Variants in SLC9C1 observed in about 807,000 individuals in gnomAD.
SLC9C1 encodes the protein solute carrier family 9 member C1, also known as sodium/hydrogen exchanger 10.
In SLC9C1, 97 loss-of-function variants were observed where a neutral mutation model predicts 140.9. That is an observed-to-expected ratio of 0.69 (90% CI 0.58 to 0.82). SLC9C1 has a LOEUF of 0.82. SLC9C1 is among the 40% of genes least tolerant of loss of function. The pLI is 0.00. For synonymous variants in SLC9C1, 440 were observed against 442.6 expected (o/e 0.99, Z 0.07); for missense variants, 1,340 against 1,389.3 (o/e 0.96, Z 0.56).
intron 27 of SLC9C1, among the ~76,000 whole-genome samples, chr3:112,152,257 T>C (rs921345836): frequency 2.6e-5 from 4 of 151,982 alleles, no homozygotes; most frequent in African/African-American, 9.7e-5. Context: ...GGGTAAAGGA[T>C]CAGCAGGAAA....
At chr3:112,180,469 G>A (rs2077418027) in intron 22 of SLC9C1, 95 bp downstream of exon 22, 1 of 935,800 alleles carries the variant, frequency 1.1e-6, no homozygotes, top group Admixed American at 2.8e-5. Context: ...GCTACAGTGA[G>A]CCAAGATCAT....
chr3:112,168,004 T>TTTCTCACCTTGGGATCCC (rs1159035417), intron 25 of SLC9C1, among the ~76,000 whole-genome samples: 1 of 152,194 alleles, frequency 6.6e-6, no homozygotes, highest in Non-Finnish European at 1.5e-5. Flanking sequence ...CTTGTGATCC[T>TTTCTCACCTTGGGATCCC]TTCTCACCTT....
Position 112,266,278 on chromosome 3 carries a change from T to C in SLC9C1, c.838A>G (p.Thr280Ala). Residue 280 changes from threonine (T) to alanine (A), a missense_variant, in exon 8 of 29, where the codon ACA becomes GCA. Thr to Ala is a moderately conservative substitution (Grantham distance 58, BLOSUM62 0). Coordinates refer to ENST00000305815, the MANE Select transcript of SLC9C1 (RefSeq NM_183061.3). ...TCTTCAATTGCTGCTTTAAAACTTG[T>C]AGAATTTAAAAGAAGTCCCACAATG... Reference protein sequence around the residue: ...LAIVGLLLNSTSFKAAIEETL... With the variant: ...LAIVGLLLNSASFKAAIEETL... 6.2e-7 allele frequency: 1 copy of C among 1,611,238 alleles called. No individual in the cohort carries two copies. The highest frequency in any genetic ancestry group is 8.5e-7 in the Non-Finnish European group (1 of 1,178,906).
chr3:112,209,447 G>C (rs868164940), intron 15 of SLC9C1, among the ~76,000 whole-genome samples: 2 of 152,042 alleles, frequency 1.3e-5, no homozygotes, highest in Admixed American at 1.3e-4. Flanking sequence ...TTAAATTTAT[G>C]GTTAAATTTG....
chr3:112,202,371 A>G lies in SLC9C1; in HGVS notation c.2201T>C (p.Ile734Thr), dbSNP rs2077927517. Residue 734 changes from isoleucine to threonine, a missense_variant, in exon 18 of 29, where the codon ATA becomes ACA. Transcript: ENST00000305815. ...CTTCTGATGACTCATTCTTTTATCT[A>G]TTATTTGCAGCAACTTTGGTGCTAT... ...KLIAPKLLQI[I>T]DKRMSHQKTF... 1.2e-6 allele frequency: 2 copies of G among 1,604,912 alleles called. No individual in the cohort carries two copies. Among genetic ancestry groups the G allele is most frequent in the Non-Finnish European group, 1.7e-6 (2 of 1,175,094 alleles).
Position 112,160,538 on chromosome 3 carries a change from C to T in SLC9C1, c.3365-5489G>A, listed in dbSNP as rs9851173. 1.0e-4 allele frequency among the ~76,000 whole-genome samples: 15 copies of T among 150,548 alleles called. No homozygotes were observed. In the East Asian group the frequency reaches 1.2e-3, roughly 12 times the overall value. On this transcript the variant is annotated intron_variant, in intron 26 of 28. Transcript: ENST00000305815. ...TGCGGTGTTTGGTTTTTTGTTCTTG[C>T]GATAGTTTACTGAGAATGATGATTT...
At chr3:112,204,479 C>G in intron 16 of SLC9C1, 76 bp from the exon 17 acceptor site, 5 of 1,455,390 alleles carry the variant, frequency 3.4e-6, no homozygotes, top group Non-Finnish European at 4.6e-6. Context: ...ATAATTTAAA[C>G]ATCATGTTAG....
intron 20 of SLC9C1, among the ~76,000 whole-genome samples, chr3:112,188,879 A>G (rs1403846602): frequency 6.6e-6 from 1 of 152,158 alleles, no homozygotes; most frequent in African/African-American, 2.4e-5. Flanking sequence ...ATTTCTCCAC[A>G]TCCTCTCCAG....
chr3:112,149,392 G>A (rs554036405), intron 28 of SLC9C1, among the ~76,000 whole-genome samples: 1 of 152,198 alleles, frequency 6.6e-6, no homozygotes, highest in East Asian at 1.9e-4. Context: ...GAAAGGATGG[G>A]GTGGGTCAGG....
chr3:112,283,920 G>A (rs540941017), intron 2 of SLC9C1, among the ~76,000 whole-genome samples: 8 of 151,348 alleles, frequency 5.3e-5, no homozygotes, highest in Non-Finnish European at 7.4e-5. Context: ...TTGGTGATTC[G>A]TTACTGATCA....
At chr3:112,241,482 T>C (rs1907762) in intron 11 of SLC9C1, among the ~76,000 whole-genome samples, 44,583 of 152,108 alleles carry the variant, frequency 0.29, 6,722 homozygotes, top group East Asian at 0.35. Flanking sequence ...TCCATGCTCA[T>C]GGATTGAAAG....
intron 1 of SLC9C1, among the ~76,000 whole-genome samples, chr3:112,291,286 A>G (rs890240929): frequency 1.3e-5 from 2 of 152,216 alleles, no homozygotes; most frequent in African/African-American, 2.4e-5. Flanking sequence ...TAATTAAACT[A>G]AAGAGCTACT....
In SLC9C1 at chr3:112,266,324, C is replaced by T; in HGVS notation, c.792G>A (p.Met264Ile). The change falls in exon 8 of 29, where the codon ATG becomes ATA. Residue 264 changes from methionine (M) to isoleucine (I), a missense_variant. By Grantham distance (10) the Met-to-Ile change is conservative. Transcript: ENST00000305815. ...CAATGGCCAGAGTAAATATTCCTGA[C>T]ATTCCAACTAACTCACCTATTTTTA... The part of the protein sequence containing the change: ...LIFYICELVG[M>I]SGIFTLAIVG... The T allele has an allele frequency of 6.2e-7, 1 of 1,606,450 alleles. No homozygotes were observed. The highest frequency in any genetic ancestry group is 1.1e-5 in the South Asian group (1 of 88,302).
chr3:112,250,414 T>C (rs903983895), intron 10 of SLC9C1, among the ~76,000 whole-genome samples: 13 of 142,820 alleles, frequency 9.1e-5, no homozygotes, highest in Non-Finnish European at 6.1e-5. Context: ...TTATAATCCT[T>C]TGGGTATATA....
intron 12 of SLC9C1, among the ~76,000 whole-genome samples, chr3:112,232,697 G>A (rs1024192658): frequency 6.6e-6 from 1 of 152,066 alleles, no homozygotes; most frequent in East Asian, 1.9e-4. Context: ...TGGACATGAT[G>A]TAGGACACGG....
At chr3:112,158,503 G>C (rs2075191766) in intron 26 of SLC9C1, among the ~76,000 whole-genome samples, 1 of 151,890 alleles carries the variant, frequency 6.6e-6, no homozygotes, top group African/African-American at 2.4e-5. Context: ...GTCCTTGTCT[G>C]CTTTTGGTAT....
At chr3:112,167,611 T>G (rs1243527903) in intron 25 of SLC9C1, among the ~76,000 whole-genome samples, 1 of 152,068 alleles carries the variant, frequency 6.6e-6, no homozygotes, top group African/African-American at 2.4e-5. Context: ...CAATGGCCCT[T>G]TAAAAATCAT....
chr3:112,251,529 T>C (rs1187857292), intron 10 of SLC9C1, among the ~76,000 whole-genome samples: 1 of 152,120 alleles, frequency 6.6e-6, no homozygotes, highest in East Asian at 1.9e-4. Context: ...ATTAGACTCC[T>C]GAACGTACTC....
chr3:112,262,998 T>A lies in SLC9C1; in HGVS notation c.1123A>T (p.Met375Leu). 1 of 1,607,506 alleles carries A rather than the reference T, an allele frequency of 6.2e-7. No homozygotes were observed. Among genetic ancestry groups the A allele is most frequent in the Non-Finnish European group, 8.5e-7 (1 of 1,177,296 alleles). The change falls in exon 10 of 29, where the codon ATG (methionine) becomes TTG (leucine). Residue 375 changes from methionine to leucine, a missense_variant. Coordinates refer to ENST00000305815, the MANE Select transcript of SLC9C1 (RefSeq NM_183061.3). ...AGAAGGGCCATGTTTATATTAGGCA[T>A]CCCCTTCATTTCACTACAGACCATT... is the stretch of plus-strand genomic sequence containing the variant. ...FIMVCSEMKG[M>L]PNINMALLLA... is the part of the protein sequence containing the mutation.
Sources: gnomAD v4.1 joint callset for allele counts (sites outside exome capture counted in the v4.1 genomes callset) on GRCh38, gnomAD v4.1.1 for gene constraint, MANE v1.5 for transcripts, NCBI Gene and HGNC (gene_info 2026-07-23, HGNC 2026-07-21) for gene names.